The following NRG1 variants were observed in gnomAD, a reference collection of about 807,000 sequenced individuals.
NRG1 encodes pro-neuregulin-1, membrane-bound isoform.
In NRG1, 18 loss-of-function variants were observed where a neutral mutation model predicts 63.8. The observed-to-expected ratio is 0.28, with a 90% CI of 0.19 to 0.42. The LOEUF (loss-of-function observed/expected upper bound fraction) is 0.42, where lower values mean the gene tolerates loss of function less well. Among genes scored for constraint, NRG1 ranks in the 10% least tolerant of loss-of-function variants. The pLI is 1.00. For synonymous variants in NRG1, 302 were observed against 301.3 expected, an observed-to-expected ratio of 1.00 and a Z score of -0.02; for missense variants, 762 against 814.7, an observed-to-expected ratio of 0.94 and a Z score of 0.79.
At chr8:31,740,158 A>T (rs925665839) in intron 1 of NRG1, among the ~76,000 whole-genome samples, 3 of 152,098 alleles carry the variant, frequency 2.0e-5, no homozygotes, top group Non-Finnish European at 4.4e-5. Context: ...TAGGCAATGC[A>T]AAGACTTTTA....
chr8:32,178,215 G>T (rs1841015829), intron 1 of NRG1, among the ~76,000 whole-genome samples: 1 of 151,986 alleles, frequency 6.6e-6, no homozygotes. Context: ...TGAAACTAGA[G>T]GTAGAGTCAG....
At chr8:32,402,581 T>C (rs994921478) in intron 1 of NRG1, among the ~76,000 whole-genome samples, 1 of 152,174 alleles carries the variant, frequency 6.6e-6, no homozygotes, top group African/African-American at 2.4e-5. Flanking sequence ...AGTCACTCAG[T>C]AGCCCTCTCA....
intron 1 of NRG1, among the ~76,000 whole-genome samples, chr8:31,898,017 C>A (rs1284361651): frequency 4.4e-4 from 55 of 125,830 alleles, no homozygotes; most frequent in East Asian, 1.1e-3. Flanking sequence ...AATTCTATCT[C>A]AAAAAAAAAA....
intron 1 of NRG1, among the ~76,000 whole-genome samples, chr8:32,187,747 G>GA (rs559116748): frequency 0.032 from 4,563 of 144,554 alleles, 182 homozygotes; most frequent in African/African-American, 0.1. Flanking sequence ...GTCCAGCCAA[G>GA]AAAAAAAAAA....
At chr8:32,146,827 T>C (rs1289924972) in intron 1 of NRG1, among the ~76,000 whole-genome samples, 1 of 152,096 alleles carries the variant, frequency 6.6e-6, no homozygotes, top group East Asian at 1.9e-4. Context: ...TACGTATTAA[T>C]TGGTGTAAGC....
chr8:32,490,051 A>T (rs1022861245), intron 1 of NRG1, among the ~76,000 whole-genome samples: 2 of 152,192 alleles, frequency 1.3e-5, no homozygotes, highest in African/African-American at 2.4e-5. Context: ...GCACATGCCT[A>T]TAATCCCAAT....
chr8:31,837,669 T>C (rs1825815040), intron 1 of NRG1, among the ~76,000 whole-genome samples: 1 of 152,094 alleles, frequency 6.6e-6, no homozygotes, highest in African/African-American at 2.4e-5. Context: ...TGGTAACTAC[T>C]GTCCTACTTT....
At chr8:32,751,618 TGTA>T (rs1012165400) in intron 7 of NRG1, among the ~76,000 whole-genome samples, 3 of 152,158 alleles carry the variant, frequency 2.0e-5, no homozygotes, top group Non-Finnish European at 2.9e-5. Flanking sequence ...GGATAAGGGT[TGTA>T]GTGCATCTGG....
intron 1 of NRG1, among the ~76,000 whole-genome samples, chr8:32,493,986 AT>A (rs941767180): frequency 1.2e-3 from 182 of 148,798 alleles, no homozygotes; most frequent in African/African-American, 4.0e-3. Context: ...CACAAAAATG[AT>A]TTTTTTTTCC....
At chr8:31,720,386 CA>C (rs1260035531) in intron 1 of NRG1, among the ~76,000 whole-genome samples, 2 of 152,130 alleles carry the variant, frequency 1.3e-5, no homozygotes, top group African/African-American at 4.8e-5. Context: ...CATACGTAAA[CA>C]TGTGTCACGG....
At chr8:31,675,569 G>T (rs78225881) in intron 1 of NRG1, among the ~76,000 whole-genome samples, 38 of 152,270 alleles carry the variant, frequency 2.5e-4, no homozygotes, top group African/African-American at 8.7e-4. Flanking sequence ...TTGCAAGAAT[G>T]CTGGATTTCC....
chr8:32,164,363 G>A (rs1156373447), intron 1 of NRG1, among the ~76,000 whole-genome samples: 1 of 152,128 alleles, frequency 6.6e-6, no homozygotes, highest in African/African-American at 2.4e-5. Flanking sequence ...AGATCTTGCA[G>A]TCTTCATGAA....
intron 1 of NRG1, among the ~76,000 whole-genome samples, chr8:31,683,747 C>T (rs1808581804): frequency 6.6e-6 from 1 of 152,004 alleles, no homozygotes; most frequent in South Asian, 2.1e-4. Flanking sequence ...AAAGGTACCA[C>T]TGTGCTGGGG....
intron 1 of NRG1, among the ~76,000 whole-genome samples, chr8:32,310,560 T>C (rs1405333563): frequency 6.6e-6 from 1 of 152,202 alleles, no homozygotes; most frequent in Non-Finnish European, 1.5e-5. Flanking sequence ...CAACTTACCA[T>C]ACAGCATGCT....
chr8:32,163,622 G>GA (rs1839085881), intron 1 of NRG1, among the ~76,000 whole-genome samples: 1 of 152,126 alleles, frequency 6.6e-6, no homozygotes. Context: ...TTTCAGAAAT[G>GA]TTATCTTATG....
chr8:31,879,433 G>T (rs1286171319), intron 1 of NRG1, among the ~76,000 whole-genome samples: 1 of 152,144 alleles, frequency 6.6e-6, no homozygotes, highest in Non-Finnish European at 1.5e-5. Flanking sequence ...AGTGATGCAG[G>T]GATGGGTTAT....
At chr8:32,045,812 T>G (rs1820904705) in intron 1 of NRG1, among the ~76,000 whole-genome samples, 1 of 151,952 alleles carries the variant, frequency 6.6e-6, no homozygotes, top group Non-Finnish European at 1.5e-5. Flanking sequence ...AAGCTCAAAA[T>G]GGATCGTAGA....
At chr8:32,169,301 A>G (rs1184423889) in intron 1 of NRG1, among the ~76,000 whole-genome samples, 1 of 152,162 alleles carries the variant, frequency 6.6e-6, no homozygotes, top group African/African-American at 2.4e-5. Flanking sequence ...ATCATGGTAC[A>G]ATTGGTTTTC....
rs114127873 is a variant in NRG1, at chr8:31,739,864, G to A, written c.37+100433G>A. Among the ~76,000 whole-genome samples the A allele has an allele frequency of 4.0e-3, 613 of 152,100 alleles. 7 individuals are homozygous for A. Among genetic ancestry groups the A allele is most frequent in the African/African-American group, 0.014 (582 of 41,516 alleles). On this transcript the variant is annotated intron_variant, in intron 1 of 10. Coordinates refer to the NRG1 transcript ENST00000519301. ...TATTTTGAATAAAAGAGTTGGGATT[G>A]TATAAGGCAATGTTTTTACTCAGCT...
Sources: allele counts gnomAD v4.1 joint callset (sites outside exome capture counted in the v4.1 genomes callset), GRCh38; gene constraint gnomAD v4.1.1; transcripts MANE v1.5; gene names NCBI Gene and HGNC (gene_info 2026-07-23, HGNC 2026-07-21).